The following RAD51B variants were observed in gnomAD, a reference collection of about 807,000 sequenced individuals.
RAD51B encodes RAD51 paralog B.
A neutral mutation model predicts 42.2 loss-of-function variants in RAD51B; 38 were observed. The ratio of observed to expected loss-of-function variants is 0.90; its 90% CI spans 0.70 to 1.18. The LOEUF is 1.18. Among genes scored for constraint, RAD51B ranks in the 50% most tolerant of loss-of-function variants. The pLI is 0.00. For synonymous variants in RAD51B, 154 were observed against 145.2 expected (o/e 1.06, Z -0.43); for missense variants, 373 against 400.7 (o/e 0.93, Z 0.59).
At chr14:68,484,521 C>G (rs1042597703) in intron 10 of RAD51B, among the ~76,000 whole-genome samples, 7 of 152,014 alleles carry the variant, frequency 4.6e-5, no homozygotes, top group African/African-American at 1.5e-4. Context: ...CCACGCCCGG[C>G]TAATTTTTTG....
At chr14:68,675,260 G>T (rs1390991983) in intron 11 of RAD51B, among the ~76,000 whole-genome samples, 3 of 152,154 alleles carry the variant, frequency 2.0e-5, no homozygotes, top group African/African-American at 7.2e-5. Context: ...AACAATCTGG[G>T]TTAGGGCTCT....
intron 4 of RAD51B, among the ~76,000 whole-genome samples, chr14:67,836,334 C>T (rs1000117868): frequency 1.4e-4 from 22 of 152,106 alleles, no homozygotes; most frequent in African/African-American, 5.1e-4. Flanking sequence ...GCTGACTTCC[C>T]CCAGGTGAGT....
intron 11 of RAD51B, among the ~76,000 whole-genome samples, chr14:68,681,534 G>A (rs1042719646): frequency 1.3e-5 from 2 of 152,180 alleles, no homozygotes; most frequent in African/African-American, 2.4e-5. Flanking sequence ...AGAAAAGGCA[G>A]GCAAGATGGA....
chr14:68,598,418 A>G (rs1891088657), downstream of RAD51B, among the ~76,000 whole-genome samples: 1 of 152,256 alleles, frequency 6.6e-6, no homozygotes, highest in Admixed American at 6.5e-5. Flanking sequence ...AAATCACAGT[A>G]TAACCATTGT....
chr14:68,326,033 C>CT (rs2082244067), intron 8 of RAD51B, among the ~76,000 whole-genome samples: 2 of 52,442 alleles, frequency 3.8e-5, no homozygotes, highest in Non-Finnish European at 6.7e-5. Flanking sequence ...TATTCTTTTT[C>CT]TTTTCTTTTT....
intron 10 of RAD51B, chr14:68,497,149 A>G: frequency 1.4e-6 from 2 of 1,400,092 alleles, no homozygotes; most frequent in Non-Finnish European, 1.9e-6. Flanking sequence ...AGAGACAGAT[A>G]AATGTGCAAA....
At chr14:68,047,537 A>C (rs981562018) in intron 7 of RAD51B, among the ~76,000 whole-genome samples, 2 of 152,202 alleles carry the variant, frequency 1.3e-5, no homozygotes, top group African/African-American at 4.8e-5. Context: ...GTTTCTTTCT[A>C]ATCTTTTCTG....
intron 7 of RAD51B, among the ~76,000 whole-genome samples, chr14:68,006,156 G>GAC (rs1469548841): frequency 1.3e-5 from 2 of 152,136 alleles, no homozygotes; most frequent in African/African-American, 4.8e-5. Flanking sequence ...ATTTGGGTGG[G>GAC]ACACAGATCC....
chr14:68,495,341 G>A (rs1884424284), intron 10 of RAD51B, among the ~76,000 whole-genome samples: 1 of 152,180 alleles, frequency 6.6e-6, no homozygotes, highest in African/African-American at 2.4e-5. Flanking sequence ...GCGCAACCGA[G>A]AGAGGATTCC....
Position 67,864,998 on chromosome 14 carries a change from T to TTTTTTC in RAD51B, c.316-3_316-2insTTTCTT. The TTTTTTC allele has an allele frequency of 7.7e-7, 1 of 1,300,318 alleles. No individual in the cohort carries two copies. The highest frequency in any genetic ancestry group is 9.8e-7 in the Non-Finnish European group (1 of 1,021,962). The allele number at this position is 1,300,318 out of a possible 1,614,324, so 80.5% of individuals were successfully genotyped here. A position where few individuals can be genotyped will look rare whatever the true frequency, so the allele number is the denominator to read the frequency against. On this transcript the variant is annotated splice_region_variant and splice_polypyrimidine_tract_variant and intron_variant, in intron 4 of 10. Coordinates refer to ENST00000471583, the MANE Select transcript of RAD51B (RefSeq NM_133510.4). ...TTTTTTTTTTTTTTTTTTTTTTTTTTTTAGATTACAGGTCCACCAGGTTGT... is the reference window on the plus strand; with the variant it reads ...TTTTTTTTTTTTTTTTTTTTTTTTTTTTTTTCTTAGATTACAGGTCCACCAGGTTGT...
chr14:68,115,467 G>A (rs991606237), intron 7 of RAD51B, among the ~76,000 whole-genome samples: 3 of 127,874 alleles, frequency 2.3e-5, no homozygotes, highest in African/African-American at 9.1e-5. Flanking sequence ...AGTGGGTGCA[G>A]CGCACCAGCA....
intron 9 of RAD51B, among the ~76,000 whole-genome samples, chr14:68,445,297 G>A (rs10149278): frequency 0.093 from 14,195 of 152,036 alleles, 1,510 homozygotes; most frequent in African/African-American, 0.26. Context: ...TCCTTCAGAA[G>A]GAAAAGATCT....
intron 8 of RAD51B, among the ~76,000 whole-genome samples, chr14:68,304,828 T>C (rs182764623): frequency 2.0e-5 from 3 of 152,282 alleles, no homozygotes; most frequent in East Asian, 1.9e-4. Context: ...GGTGAGCAAA[T>C]TGGTATGTTC....
At chr14:68,310,592 TC>T (rs1057329015) in intron 8 of RAD51B, among the ~76,000 whole-genome samples, 1 of 152,160 alleles carries the variant, frequency 6.6e-6, no homozygotes, top group Non-Finnish European at 1.5e-5. Context: ...ACGCCTGTAA[TC>T]CCAGCACTTT....
At chr14:68,303,341 G>C (rs2081786093) in intron 8 of RAD51B, among the ~76,000 whole-genome samples, 1 of 151,906 alleles carries the variant, frequency 6.6e-6, no homozygotes, top group Non-Finnish European at 1.5e-5. Flanking sequence ...ATAGCATTAG[G>C]AGAAATACCT....
At chr14:68,536,871 C>T (rs1295812981) in intron 10 of RAD51B, among the ~76,000 whole-genome samples, 5 of 145,484 alleles carry the variant, frequency 3.4e-5, no homozygotes, top group African/African-American at 1.3e-4. Context: ...CCCTTGAGCC[C>T]AGGAGTTTAG....
chr14:68,184,620 A>C (rs1361138762), intron 7 of RAD51B, among the ~76,000 whole-genome samples: 1 of 64,356 alleles, frequency 1.6e-5, no homozygotes, highest in African/African-American at 4.6e-5. Context: ...AAAAAAAAAA[A>C]AAACCAAAAA....
chr14:68,104,401 T>G (rs1170979776), intron 7 of RAD51B, among the ~76,000 whole-genome samples: 1 of 152,134 alleles, frequency 6.6e-6, no homozygotes, highest in African/African-American at 2.4e-5. Context: ...AAGGCCTTAG[T>G]TGTCAAAAGT....
At chr14:68,057,069 A>G (rs1486293871) in intron 7 of RAD51B, among the ~76,000 whole-genome samples, 1 of 151,728 alleles carries the variant, frequency 6.6e-6, no homozygotes, top group East Asian at 1.9e-4. Context: ...AGCCTGGACA[A>G]CAAGAGTGAA....
Sources: gnomAD v4.1 joint callset for allele counts (sites outside exome capture counted in the v4.1 genomes callset) on GRCh38, gnomAD v4.1.1 for gene constraint, MANE v1.5 for transcripts, NCBI Gene and HGNC (gene_info 2026-07-23, HGNC 2026-07-21) for gene names.